XAF1: variants seen among roughly 807,000 people sequenced by gnomAD.
XAF1 encodes the protein XIAP-associated factor 1.
In XAF1, 32 loss-of-function variants were observed where a neutral mutation model predicts 32.3. The observed-to-expected ratio is 0.99, with a 90% confidence interval of 0.75 to 1.33. The LOEUF (loss-of-function observed/expected upper bound fraction) is 1.33, where lower values mean the gene tolerates loss of function less well. Among genes scored for constraint, XAF1 ranks in the 40% most tolerant of loss-of-function variants. The pLI, the probability that XAF1 is intolerant of heterozygous loss-of-function variation, is 0.00. For missense variants in XAF1, 379 were observed against 366.0 expected (o/e 1.04, Z -0.29); for synonymous variants, 120 against 125.9 (o/e 0.95, Z 0.31).
intron 5 of XAF1, among the ~76,000 whole-genome samples, chr17:6,764,148 G>A (rs769634709): frequency 4.2e-4 from 64 of 152,118 alleles, no homozygotes; most frequent in Admixed American, 3.9e-4. Flanking sequence ...TAACCTCTCT[G>A]AGCTTCTTTC....
Position 6,760,437 on chromosome 17 carries a change from G to GT in XAF1, c.258dup (p.Lys87Ter), listed in dbSNP as rs1489570673. ...GAGTGCCAGGAGCGCCCTGTTGAGT[G>GT]TAAGTTCTGCAAACTGGACATGCAG... On this transcript the variant is annotated frameshift_variant, in exon 4 of 7. Transcript: ENST00000361842. LOFTEE classifies it high-confidence loss of function. The GT allele has an allele frequency of 6.2e-7, 1 of 1,612,106 alleles. No individual in the cohort carries two copies. Among genetic ancestry groups the GT allele is most frequent in the Non-Finnish European group, 8.5e-7 (1 of 1,179,178 alleles).
chr17:6,762,341 T>C (rs1045563645), intron 5 of XAF1, 101 bp downstream of exon 5: 2 of 972,738 alleles, frequency 2.1e-6, no homozygotes, highest in Non-Finnish European at 3.0e-6. Flanking sequence ...TTACATAGCA[T>C]GGATATTAAA....
At chr17:6,757,665 A>G (rs1974795864) in intron 1 of XAF1, among the ~76,000 whole-genome samples, 1 of 80,764 alleles carries the variant, frequency 1.2e-5, no homozygotes, top group Non-Finnish European at 2.5e-5. Context: ...GTTTCATTTT[A>G]AAAACAGCCT....
At chr17:6,762,650 T>G (rs1432952264) in intron 5 of XAF1, among the ~76,000 whole-genome samples, 1 of 152,228 alleles carries the variant, frequency 6.6e-6, no homozygotes, top group African/African-American at 2.4e-5. Flanking sequence ...ACATCAGAGC[T>G]TGGTGCAAAA....
chr17:6,761,196 G>C (rs1975181761), intron 4 of XAF1, among the ~76,000 whole-genome samples: 1 of 152,096 alleles, frequency 6.6e-6, no homozygotes, highest in Admixed American at 6.5e-5. Flanking sequence ...TAGGAAACAG[G>C]AGGCTTTCTT....
chr17:6,764,730 C>T (rs1975464713), intron 5 of XAF1, among the ~76,000 whole-genome samples: 1 of 151,780 alleles, frequency 6.6e-6, no homozygotes, highest in African/African-American at 2.4e-5. Context: ...CTTTGTTCCC[C>T]TCCGTAGAAA....
intron 1 of XAF1, 187 bp downstream of exon 1, chr17:6,756,297 G>A: frequency 8.2e-7 from 1 of 1,220,350 alleles, no homozygotes; most frequent in Non-Finnish European, 1.1e-6. Context: ...GTGGGGGTGG[G>A]CAGCATTACC....
intron 3 of XAF1, among the ~76,000 whole-genome samples, chr17:6,760,151 C>G (rs1320691689): frequency 6.6e-6 from 1 of 151,878 alleles, no homozygotes; most frequent in Non-Finnish European, 1.5e-5. Flanking sequence ...AGTTCGAGAC[C>G]AGCCTGACCA....
At chr17:6,772,970 C>T in intron 6 of XAF1, 143 bp from the exon 7 acceptor site, 1 of 683,748 alleles carries the variant, frequency 1.5e-6, no homozygotes, top group Non-Finnish European at 2.4e-6. Context: ...TCAGTGGGCT[C>T]CTGACCTTTT....
At chr17:6,769,041 TTTTTTTTCATGACTCTCC>T (rs2151555248) in intron 5 of XAF1, among the ~76,000 whole-genome samples, 1 of 38,046 alleles carries the variant, frequency 2.6e-5, no homozygotes, top group African/African-American at 4.9e-4. Flanking sequence ...CATGACTCTC[TTTTTTTTCATGACTCTCC>T]TTTTTTTTCA....
chr17:6,763,953 T>C (rs1975406765), intron 5 of XAF1, among the ~76,000 whole-genome samples: 1 of 152,254 alleles, frequency 6.6e-6, no homozygotes, highest in South Asian at 2.1e-4. Flanking sequence ...AATGAGAAAA[T>C]ACTTGGTGAG....
intron 4 of XAF1, chr17:6,761,910 G>A (rs1415779528): frequency 2.0e-6 from 3 of 1,492,730 alleles, no homozygotes; most frequent in Admixed American, 2.0e-5. Flanking sequence ...CCAGGAAAAT[G>A]TCTCTCCATT....
Position 6,773,348 on chromosome 17 carries a change from G to T in XAF1, c.*179G>T. ...GTATCATCTCAATAGATACAGAAAA[G>T]GCTTTTGATAAAATTCAACTTGACT... On this transcript the variant is annotated 3_prime_UTR_variant, in exon 7 of 7. Transcript: ENST00000361842. 1 of 518,246 alleles carries T rather than the reference G, an allele frequency of 1.9e-6. No individual in the cohort carries two copies. The highest frequency in any genetic ancestry group is 3.3e-6 in the Non-Finnish European group (1 of 306,226). 32.1% of individuals were successfully genotyped at this position (518,246 alleles called of 1,614,324 possible).
intron 5 of XAF1, among the ~76,000 whole-genome samples, chr17:6,767,613 C>G (rs949765572): frequency 6.6e-6 from 1 of 152,188 alleles, no homozygotes; most frequent in African/African-American, 2.4e-5. Flanking sequence ...CACCATCATT[C>G]TTTAATATCT....
chr17:6,772,371 A>G (rs561574187), intron 6 of XAF1, among the ~76,000 whole-genome samples: 1 of 151,598 alleles, frequency 6.6e-6, no homozygotes, highest in Non-Finnish European at 1.5e-5. Context: ...TTATTTAGCA[A>G]TTTCTTATAT....
chr17:6,760,782 G>C (rs1975135466), intron 4 of XAF1, among the ~76,000 whole-genome samples, 181 bp downstream of exon 4: 1 of 152,244 alleles, frequency 6.6e-6, no homozygotes, highest in African/African-American at 2.4e-5. Context: ...CTGTGTGTCT[G>C]CTGTGGCCTT....
Position 6,770,750 on chromosome 17 carries a change from G to T in XAF1, c.615G>T (p.Thr205=). 1 of 1,613,860 alleles carries T rather than the reference G, an allele frequency of 6.2e-7. No individual in the cohort carries two copies. The highest frequency in any genetic ancestry group is 1.1e-5 in the South Asian group (1 of 90,974). The change falls in exon 6 of 7, where the codon ACG becomes ACT. Residue 205 remains threonine, a synonymous_variant. Transcript: ENST00000361842. ...AAGCTGCTGAAAATCAAACTTCCAC[G>T]ATGGAGAAAGATGTTCGTCCAAAGA... ...PSQAAENQTS[T]MEKDVRPKTR... is the part of the protein sequence containing the mutation.
At chr17:6,755,842 ATG>A (rs1341076768), upstream of XAF1, 30 of 1,355,802 alleles carry the variant, frequency 2.2e-5, no homozygotes, top group African/African-American at 4.4e-4. Flanking sequence ...AGGGAGGTAG[ATG>A]CGGCTGTGAC....
intron 5 of XAF1, among the ~76,000 whole-genome samples, chr17:6,764,023 C>A (rs1051780433): frequency 6.6e-6 from 1 of 152,152 alleles, no homozygotes; most frequent in Non-Finnish European, 1.5e-5. Context: ...GCAACCAGGG[C>A]ACCTACACAC....
Sources: allele counts gnomAD v4.1 joint callset (sites outside exome capture counted in the v4.1 genomes callset), GRCh38; gene constraint gnomAD v4.1.1; transcripts MANE v1.5; gene names NCBI Gene and HGNC (gene_info 2026-07-23, HGNC 2026-07-21).